The following FHOD3 variants were observed in gnomAD, a reference collection of about 807,000 sequenced individuals.
The protein encoded by FHOD3 is formin homology 2 domain containing 3, also known as FH1/FH2 domain-containing protein 3.
In FHOD3, 90 loss-of-function variants were observed where a neutral mutation model predicts 173.0. That is an observed-to-expected ratio of 0.52 (90% CI 0.44 to 0.62). FHOD3 has a LOEUF of 0.62. Among genes scored for constraint, FHOD3 ranks in the 20% least tolerant of loss-of-function variants. The probability of loss-of-function intolerance (pLI) is 0.00; values close to 1 mark genes in which losing one functional copy is unlikely to be tolerated. For synonymous variants in FHOD3, 828 were observed against 823.0 expected (o/e 1.01, Z -0.10); for missense variants, 1,945 against 2,034.7 (o/e 0.96, Z 0.85).
chr18:36,653,608 C>G (rs1218260523), intron 13 of FHOD3, among the ~76,000 whole-genome samples, 192 bp downstream of exon 13: 2 of 152,154 alleles, frequency 1.3e-5, no homozygotes, highest in East Asian at 3.9e-4. Context: ...GAGATGAGGG[C>G]AGAGGGAGGT....
chr18:36,430,373 C>A (rs113365351), intron 3 of FHOD3, among the ~76,000 whole-genome samples: 3 of 152,132 alleles, frequency 2.0e-5, no homozygotes, highest in African/African-American at 4.8e-5. Flanking sequence ...CCCACCACCA[C>A]GCCCAGCTAA....
intron 14 of FHOD3, among the ~76,000 whole-genome samples, chr18:36,676,286 G>A (rs2037851116): frequency 6.6e-6 from 1 of 152,108 alleles, no homozygotes; most frequent in South Asian, 2.1e-4. Context: ...GATAGAATAT[G>A]GTTTCTTTTC....
intron 5 of FHOD3, among the ~76,000 whole-genome samples, chr18:36,556,042 G>T (rs1233811764): frequency 6.6e-6 from 1 of 152,018 alleles, no homozygotes; most frequent in Non-Finnish European, 1.5e-5. Flanking sequence ...TGTGACTAAT[G>T]ATATGGTTAG....
intron 16 of FHOD3, 26 bp downstream of exon 16, chr18:36,687,204 G>C: frequency 1.3e-6 from 2 of 1,557,340 alleles, no homozygotes; most frequent in Non-Finnish European, 1.8e-6. Context: ...CTTTCCCATT[G>C]TAACAAATGG....
At position 36,718,150 on chromosome 18, in the gene FHOD3, G is replaced by T. The variant is rs771392080; in HGVS notation, c.2852G>T (p.Arg951Ile). ...AAATTCAACAGTGGGGACCTGGGGA[G>T]AGGTTCCATCTCCCCTGATGCTGAG... ...AEKFNSGDLG[R>I]GSISPDAEPN... is the part of the protein sequence containing the mutation. Residue 951 changes from arginine to isoleucine, a missense_variant, in exon 19 of 29, where the codon AGA becomes ATA. Arg to Ile is a moderately conservative substitution (Grantham distance 97). Around this residue, in one of 5 missense-constraint regions of FHOD3, gnomAD observed 1,099 missense variants for 1,051.2 expected, o/e 1.05. Coordinates refer to ENST00000590592, the MANE Select transcript of FHOD3 (RefSeq NM_001281740.3). The T allele has an allele frequency of 6.2e-7, 1 of 1,609,104 alleles. No homozygotes were observed.
intron 1 of FHOD3, among the ~76,000 whole-genome samples, chr18:36,321,321 T>A (rs1255788863): frequency 1.3e-5 from 2 of 151,886 alleles, no homozygotes; most frequent in Non-Finnish European, 2.9e-5. Context: ...GTGTGGGCTA[T>A]AGGAAGGTGG....
intron 6 of FHOD3, among the ~76,000 whole-genome samples, chr18:36,584,243 C>T (rs1157997570): frequency 6.6e-6 from 1 of 152,164 alleles, no homozygotes; most frequent in African/African-American, 2.4e-5. Context: ...ACTCTCCCTC[C>T]CTAGATTTCA....
chr18:36,407,080 G>C (rs1033811776), intron 3 of FHOD3, among the ~76,000 whole-genome samples: 1 of 152,186 alleles, frequency 6.6e-6, no homozygotes, highest in African/African-American at 2.4e-5. Flanking sequence ...TATGCCTGCT[G>C]TCCTCTGCTT....
At chr18:36,526,271 A>C (rs973112879) in intron 5 of FHOD3, among the ~76,000 whole-genome samples, 2 of 117,632 alleles carry the variant, frequency 1.7e-5, no homozygotes, top group African/African-American at 6.2e-5. Flanking sequence ...GAAAATCCTG[A>C]AATCATTCTT....
intron 3 of FHOD3, among the ~76,000 whole-genome samples, chr18:36,390,532 G>T (rs1182386697): frequency 6.6e-6 from 1 of 152,144 alleles, no homozygotes. Context: ...AGCTCTGCTG[G>T]TTTTGATTTT....
At chr18:36,342,266 A>G (rs1403102953) in intron 1 of FHOD3, among the ~76,000 whole-genome samples, 1 of 152,104 alleles carries the variant, frequency 6.6e-6, no homozygotes, top group African/African-American at 2.4e-5. Flanking sequence ...AAATAACAGA[A>G]TGGGAAAAGA....
At chr18:36,772,809 T>G (rs2043447483) in intron 28 of FHOD3, among the ~76,000 whole-genome samples, 1 of 152,220 alleles carries the variant, frequency 6.6e-6, no homozygotes. Flanking sequence ...GCCTGTGAAA[T>G]GGCTGATCCA....
chr18:36,447,855 C>T (rs950064529), intron 3 of FHOD3, among the ~76,000 whole-genome samples: 1 of 152,110 alleles, frequency 6.6e-6, no homozygotes, highest in Non-Finnish European at 1.5e-5. Context: ...TCAAAATTGC[C>T]TTATAAGCAC....
chr18:36,406,824 G>A (rs1052642610), intron 3 of FHOD3, among the ~76,000 whole-genome samples: 1 of 152,132 alleles, frequency 6.6e-6, no homozygotes, highest in Non-Finnish European at 1.5e-5. Context: ...CCCCACTAGG[G>A]TACTCTCTGT....
chr18:36,437,665 C>CTTTTTTTTTTTTTTTTTTTTTTTT (rs1555704498), intron 3 of FHOD3, among the ~76,000 whole-genome samples: 3 of 69,440 alleles, frequency 4.3e-5, no homozygotes, highest in African/African-American at 1.3e-4. Context: ...TTCTTTCTTT[C>CTTTTTTTTTTTTTTTTTTTTTTTT]TTTTTTTTTT....
chr18:36,653,379 T>C lies in FHOD3; in HGVS notation c.1684T>C (p.Ser562Pro), dbSNP rs1402715662. ...TTTCTCTTTGAGCACATATTCTGCC[T>C]CTGAGCCTTACCACTTCCGATCTTT... The part of the protein sequence containing the change: ...DSFSLSTYSA[S>P]EPYHFRSFSS... Residue 562 changes from serine to proline, a missense_variant, in exon 13 of 29, where the codon TCT becomes CCT. By Grantham distance (74) the Ser-to-Pro change is moderately conservative. Around this residue, in one of 5 missense-constraint regions of FHOD3, gnomAD observed 1,099 missense variants for 1,051.2 expected, o/e 1.05. Transcript: ENST00000590592. 6.5e-7 allele frequency: 1 copy of C among 1,535,272 alleles called. No homozygotes were observed. Among genetic ancestry groups the C allele is most frequent in the South Asian group, 1.2e-5 (1 of 84,018 alleles).
At chr18:36,515,447 T>TGACCTCGTGATCACCC (rs1178756750) in intron 5 of FHOD3, among the ~76,000 whole-genome samples, 1 of 152,208 alleles carries the variant, frequency 6.6e-6, no homozygotes, top group Non-Finnish European at 1.5e-5. Flanking sequence ...CTTGATCTCC[T>TGACCTCGTGATCACCC]GACCTCGTGA....
intron 28 of FHOD3, among the ~76,000 whole-genome samples, chr18:36,773,177 C>T (rs1429961640): frequency 6.6e-6 from 1 of 152,196 alleles, no homozygotes; most frequent in African/African-American, 2.4e-5. Context: ...TTACATGGCT[C>T]TCTGGTGGTT....
At chr18:36,682,342 CT>C (rs1276091121) in intron 15 of FHOD3, among the ~76,000 whole-genome samples, 3 of 152,052 alleles carry the variant, frequency 2.0e-5, no homozygotes, top group Non-Finnish European at 4.4e-5. Flanking sequence ...TCCTTTTTCC[CT>C]TTTCCCCCTT....
Sources: allele counts gnomAD v4.1 joint callset (sites outside exome capture counted in the v4.1 genomes callset), GRCh38; gene constraint gnomAD v4.1.1; regional missense constraint gnomAD v4.1.1; transcripts MANE v1.5; gene names NCBI Gene and HGNC (gene_info 2026-07-23, HGNC 2026-07-21).